Variants in STARD8 observed in about 807,000 individuals in gnomAD.
STARD8 encodes the protein stAR-related lipid transfer protein 8.
A neutral mutation model predicts 69.4 loss-of-function variants in STARD8; 25 were observed. That is an observed-to-expected ratio of 0.36 (90% CI 0.26 to 0.50). The LOEUF (loss-of-function observed/expected upper bound fraction) is 0.50, where lower values mean the gene tolerates loss of function less well. Among genes scored for constraint, STARD8 ranks in the 20% least tolerant of loss-of-function variants. The pLI is 0.96. For synonymous variants in STARD8, 389 were observed against 374.6 expected, an observed-to-expected ratio of 1.04 and a Z score of -0.45; for missense variants, 921 against 932.5, an observed-to-expected ratio of 0.99 and a Z score of 0.16.
intron 2 of STARD8, among the ~76,000 whole-genome samples, chrX:68,682,241 C>T (rs1056467435): frequency 3.3e-4 from 37 of 111,803 alleles, no homozygotes; most frequent in African/African-American, 1.1e-3. Flanking sequence ...TCAAGTGATC[C>T]GCCCACCTTG....
chrX:68,680,132 A>G (rs12852311), intron 2 of STARD8, among the ~76,000 whole-genome samples: 20,138 of 111,380 alleles, frequency 0.18, 3,260 homozygotes, highest in African/African-American at 0.53. Context: ...AACTTCTTCG[A>G]GAACTCAGGA....
In STARD8 at chrX:68,721,599, A is replaced by G. The variant is rs746692816; in HGVS notation, c.2312A>G (p.Asn771Ser). ...QAATLLLPDE[N>S]REVLQTLLYF... ...GCCACCTTGCTGCTCCCCGATGAGA[A>G]CCGAGAGGTGCTACAGACCCTGCTC... The change falls in exon 10 of 15, where the codon AAC becomes AGC. Residue 771 changes from asparagine (N) to serine (S), a missense_variant. Asn to Ser is a conservative substitution (Grantham distance 46). Coordinates refer to ENST00000374599, the MANE Select transcript of STARD8 (RefSeq NM_001142503.3). 8.3e-7 allele frequency: 1 copy of G among 1,211,994 alleles called. No homozygotes were observed. The highest frequency in any genetic ancestry group is 1.8e-5 in the South Asian group (1 of 56,987).
intron 2 of STARD8, among the ~76,000 whole-genome samples, chrX:68,685,705 T>G (rs772677879): frequency 2.7e-5 from 3 of 112,906 alleles, no homozygotes; most frequent in African/African-American, 9.7e-5. Context: ...CCAAGTCATT[T>G]GCATTCTTGG....
At position 68,690,298 on chromosome X, in the gene STARD8, G is replaced by A. The variant is rs137903544; in HGVS notation, c.80-22616G>A. ...TGAATTCCCTGAAGTGATTTGCTGC[G>A]GTTTCTTTAGCTCCTATGGAAAAGA... is the stretch of plus-strand genomic sequence containing the variant. On this transcript the variant is annotated intron_variant, in intron 2 of 14. Transcript: ENST00000374599. Among the ~76,000 whole-genome samples, 384 of 111,170 alleles carry A rather than the reference G, an allele frequency of 3.5e-3. 1 individual carries two copies. The highest frequency in any genetic ancestry group is 0.012 in the African/African-American group (371 of 30,436).
At chrX:68,705,640 G>A (rs946904831) in intron 2 of STARD8, among the ~76,000 whole-genome samples, 21 of 112,595 alleles carry the variant, frequency 1.9e-4, no homozygotes, top group African/African-American at 6.4e-4. Flanking sequence ...GGGGCCGGAG[G>A]CCCCAGATAA....
intron 2 of STARD8, among the ~76,000 whole-genome samples, chrX:68,711,497 GC>G (rs770908128): frequency 9.0e-6 from 1 of 111,465 alleles, no homozygotes; most frequent in East Asian, 2.8e-4. Flanking sequence ...ACCCCCATTT[GC>G]CCCCAAAACC....
rs959405681 is a variant in STARD8 at position 68,647,898 on chromosome X, G to A, written c.16G>A (p.Val6Ile). 2.5e-6 allele frequency: 3 copies of A among 1,200,190 alleles called. No homozygotes were observed. The highest frequency in any genetic ancestry group is 3.4e-6 in the Non-Finnish European group (3 of 890,144). Residue 6 changes from valine to isoleucine, a missense_variant, in exon 1 of 15, where the codon GTT becomes ATT. Physicochemically the swap from Val to Ile is conservative, Grantham distance 29. Transcript: ENST00000374599. MPLLDVFWSCFRKVKC... is the reference protein window; with the variant it reads MPLLDIFWSCFRKVKC... ...ACGCGCCACCATGCCTCTGCTGGAC[G>A]TTTTCTGGTCTTGCTTCAGGAAGGT...
chrX:68,661,805 C>A, intron 1 of STARD8, among the ~76,000 whole-genome samples: 1 of 110,350 alleles, frequency 9.1e-6, no homozygotes, highest in African/African-American at 3.3e-5. Flanking sequence ...TTCTTCCTAC[C>A]CTAAGGACCA....
rs2080098489 is a variant in STARD8 at position 68,717,214 on chromosome X, T to G, written c.300T>G (p.Asn100Lys). Residue 100 changes from asparagine to lysine, a missense_variant and splice_region_variant, in exon 6 of 15, where the codon AAT becomes AAG. Asn to Lys is a moderately conservative substitution (Grantham distance 94). Coordinates refer to ENST00000374599, the MANE Select transcript of STARD8 (RefSeq NM_001142503.3). Reference protein sequence around the residue: ...KLEVHFQSKQNEDSEEEEQCT... With the variant: ...KLEVHFQSKQKEDSEEEEQCT... The stretch of plus-strand genomic sequence containing the variant: ...TGATCCTGCAGTGCCTTTCCCAGAA[T>G]GAAGACTCAGAAGAGGAAGAGCAGT... The G allele has an allele frequency of 8.4e-7, 1 of 1,187,874 alleles. No individual in the cohort carries two copies. The highest frequency in any genetic ancestry group is 1.1e-6 in the Non-Finnish European group (1 of 882,501).
At chrX:68,693,418 T>G (rs1256849395) in intron 2 of STARD8, among the ~76,000 whole-genome samples, 1 of 112,875 alleles carries the variant, frequency 8.9e-6, no homozygotes, top group Non-Finnish European at 1.9e-5. Context: ...AAGTCACTGC[T>G]TGAGCCTCAG....
intron 2 of STARD8, among the ~76,000 whole-genome samples, chrX:68,689,388 C>G (rs35291749): frequency 3.6e-5 from 4 of 111,757 alleles, no homozygotes; most frequent in East Asian, 2.8e-4. Flanking sequence ...TCCTGGGTGT[C>G]AAATGGTACC....
At chrX:68,691,985 A>G (rs1228550193) in intron 2 of STARD8, among the ~76,000 whole-genome samples, 1 of 112,599 alleles carries the variant, frequency 8.9e-6, no homozygotes, top group Non-Finnish European at 1.9e-5. Context: ...AGTGGATGGA[A>G]TTGGCTTTGA....
intron 2 of STARD8, among the ~76,000 whole-genome samples, chrX:68,708,917 A>G (rs1338398365): frequency 9.0e-6 from 1 of 110,996 alleles, no homozygotes; most frequent in Non-Finnish European, 1.9e-5. Context: ...AGTCCGGGCC[A>G]CCTGGGCTTC....
intron 12 of STARD8, among the ~76,000 whole-genome samples, chrX:68,723,126 A>G (rs1346653748): frequency 4.4e-4 from 49 of 112,631 alleles, no homozygotes; most frequent in Non-Finnish European, 1.1e-4. Flanking sequence ...GGCACTGGTC[A>G]TGCTCTTTCT....
At chrX:68,711,736 A>G (rs2080052642) in intron 2 of STARD8, among the ~76,000 whole-genome samples, 1 of 112,431 alleles carries the variant, frequency 8.9e-6, no homozygotes, top group African/African-American at 3.2e-5. Flanking sequence ...AGCACTGGGA[A>G]GAGAGAGCTC....
chrX:68,694,905 G>A (rs1053806529), intron 2 of STARD8, among the ~76,000 whole-genome samples: 3 of 110,929 alleles, frequency 2.7e-5, no homozygotes, highest in Non-Finnish European at 3.8e-5. Context: ...CAGAGGTTGG[G>A]GGCCTCAGAG....
intron 2 of STARD8, among the ~76,000 whole-genome samples, chrX:68,672,956 G>T (rs904872743): frequency 8.9e-6 from 1 of 112,028 alleles, no homozygotes; most frequent in African/African-American, 3.3e-5. Context: ...ACATTCCACA[G>T]GGGAAGGGAA....
chrX:68,652,561 C>G (rs2079554518), intron 1 of STARD8, among the ~76,000 whole-genome samples: 1 of 111,192 alleles, frequency 9.0e-6, no homozygotes, highest in African/African-American at 3.3e-5. Context: ...TGTGTCTTCC[C>G]CTGGAGGCCA....
At chrX:68,680,452 G>C (rs773247591) in intron 2 of STARD8, among the ~76,000 whole-genome samples, 418 of 112,497 alleles carry the variant, frequency 3.7e-3, no homozygotes, top group Non-Finnish European at 5.7e-3. Flanking sequence ...CCAAGTGATG[G>C]AAACAAACAG....
Sources: gnomAD v4.1 joint callset for allele counts (sites outside exome capture counted in the v4.1 genomes callset) on GRCh38, gnomAD v4.1.1 for gene constraint, MANE v1.5 for transcripts, NCBI Gene and HGNC (gene_info 2026-07-23, HGNC 2026-07-21) for gene names.